NTRK3: variants seen among roughly 807,000 people sequenced by gnomAD.
The protein encoded by NTRK3 is neurotrophic receptor tyrosine kinase 3, also known as NT-3 growth factor receptor.
Under a neutral mutation model 91.7 loss-of-function variants are expected in NTRK3, and 24 were observed. That is an observed-to-expected ratio of 0.26 (90% CI 0.19 to 0.37). NTRK3 has a LOEUF of 0.37. Ranked by LOEUF, NTRK3 falls within the 10% of genes least tolerant of loss-of-function variation. The pLI, the probability that NTRK3 is intolerant of heterozygous loss-of-function variation, is 1.00. For synonymous variants in NTRK3, 483 were observed against 404.0 expected (o/e 1.20, Z -2.34); for missense variants, 880 against 1,068.9 (o/e 0.82, Z 2.46).
At chr15:87,863,722 C>T (rs528457511) in exon 19 of NTRK3, 2 of 227,828 alleles carry the variant, frequency 8.8e-6, no homozygotes, top group African/African-American at 4.4e-5. Context: ...ACAGTCCCCA[C>T]CTACTGATTT....
At chr15:88,138,880 G>A (rs1299484828) in intron 6 of NTRK3, among the ~76,000 whole-genome samples, 2 of 152,212 alleles carry the variant, frequency 1.3e-5, no homozygotes, top group Non-Finnish European at 2.9e-5. Context: ...ACCTAGAACT[G>A]AGCCTGGCAT....
At chr15:88,134,447 T>C (rs941536522) in intron 10 of NTRK3, among the ~76,000 whole-genome samples, 5 of 152,314 alleles carry the variant, frequency 3.3e-5, no homozygotes, top group South Asian at 4.1e-4. Flanking sequence ...AGCACTATCA[T>C]AAGCTGAGGG....
chr15:87,862,288 T>C, exon 19 of NTRK3: 1 of 224,228 alleles, frequency 4.5e-6, no homozygotes, highest in Non-Finnish European at 8.9e-6. Flanking sequence ...TCCACTGAAC[T>C]TGCTCCTCTG....
At chr15:88,173,893 C>G (rs1393989210) in intron 5 of NTRK3, among the ~76,000 whole-genome samples, 2 of 152,230 alleles carry the variant, frequency 1.3e-5, no homozygotes, top group Non-Finnish European at 2.9e-5. Context: ...GCAAGTCACT[C>G]AACCTCTCTG....
At chr15:88,083,753 G>C (rs777494079) in intron 13 of NTRK3, among the ~76,000 whole-genome samples, 1 of 152,152 alleles carries the variant, frequency 6.6e-6, no homozygotes, top group African/African-American at 2.4e-5. Flanking sequence ...AGATATATGA[G>C]GAACAATTCA....
chr15:87,954,704 G>A (rs2071490650), intron 14 of NTRK3, among the ~76,000 whole-genome samples: 1 of 152,228 alleles, frequency 6.6e-6, no homozygotes, highest in African/African-American at 2.4e-5. Flanking sequence ...GGAATTTGCT[G>A]TTCAGTGCCC....
rs2047709561 is a variant in NTRK3 at position 88,195,152 on chromosome 15, C to G, written c.249-10853G>C. Among the ~76,000 whole-genome samples the G allele has an allele frequency of 2.0e-5, 3 of 152,298 alleles. No homozygotes were observed. In the South Asian group the frequency reaches 6.2e-4, roughly 32 times the overall value. On this transcript the variant is annotated intron_variant, in intron 3 of 18. Coordinates refer to ENST00000394480, the Ensembl canonical transcript of NTRK3. ...GATGTTATTAATCTCCTACAATGCA[C>G]AAGACAGCCCCCACCCCCAACAGAG...
intron 5 of NTRK3, among the ~76,000 whole-genome samples, chr15:88,162,869 C>G (rs1444374198): frequency 6.6e-6 from 1 of 152,178 alleles, no homozygotes; most frequent in Non-Finnish European, 1.5e-5. Context: ...CCAGGAGGAT[C>G]AGGGAGACCT....
chr15:87,887,849 C>A (rs549914184), intron 17 of NTRK3, among the ~76,000 whole-genome samples: 1 of 152,168 alleles, frequency 6.6e-6, no homozygotes, highest in Middle Eastern at 3.2e-3. Flanking sequence ...TCTCTCCATT[C>A]CTGTGTGATA....
chr15:88,084,483 A>C (rs544241081), intron 13 of NTRK3, among the ~76,000 whole-genome samples: 1 of 152,310 alleles, frequency 6.6e-6, no homozygotes, highest in Non-Finnish European at 1.5e-5. Flanking sequence ...TCTTCACTCA[A>C]AACAGAATGC....
intron 13 of NTRK3, among the ~76,000 whole-genome samples, chr15:88,051,632 C>T (rs1555483217): frequency 6.6e-6 from 1 of 152,172 alleles, no homozygotes; most frequent in Non-Finnish European, 1.5e-5. Context: ...GTAACTCCCT[C>T]ATCAGACTAT....
At chr15:88,226,375 A>G (rs1417418742) in intron 3 of NTRK3, among the ~76,000 whole-genome samples, 1 of 152,188 alleles carries the variant, frequency 6.6e-6, no homozygotes, top group Non-Finnish European at 1.5e-5. Context: ...GGATGGTGTG[A>G]GTGGATAAGA....
At chr15:88,191,261 C>G (rs2047365583) in intron 3 of NTRK3, among the ~76,000 whole-genome samples, 4 of 151,896 alleles carry the variant, frequency 2.6e-5, no homozygotes, top group Non-Finnish European at 5.9e-5. Flanking sequence ...GATCTCAGCT[C>G]ACTGCAAACT....
At chr15:87,919,688 G>A (rs1048636257) in intron 17 of NTRK3, among the ~76,000 whole-genome samples, 7 of 152,116 alleles carry the variant, frequency 4.6e-5, no homozygotes, top group East Asian at 3.9e-4. Context: ...TACCCACCAG[G>A]GTGAATCTTG....
chr15:87,958,912 C>T (rs1814781596), intron 14 of NTRK3, among the ~76,000 whole-genome samples: 1 of 152,120 alleles, frequency 6.6e-6, no homozygotes, highest in South Asian at 2.1e-4. Flanking sequence ...TTAAGAGTAA[C>T]AGCCCAATGC....
intron 14 of NTRK3, among the ~76,000 whole-genome samples, chr15:87,985,139 G>C (rs891235236): frequency 6.6e-6 from 1 of 152,148 alleles, no homozygotes; most frequent in African/African-American, 2.4e-5. Flanking sequence ...TATCTCAGAA[G>C]GGGGAGACAG....
chr15:88,043,350 C>G (rs116591930), intron 13 of NTRK3, among the ~76,000 whole-genome samples: 2 of 152,190 alleles, frequency 1.3e-5, no homozygotes, highest in Admixed American at 1.3e-4. Context: ...GATCATAGTT[C>G]AAATTTCAAC....
At chr15:88,069,524 T>A (rs1378746639) in intron 13 of NTRK3, among the ~76,000 whole-genome samples, 2 of 152,088 alleles carry the variant, frequency 1.3e-5, no homozygotes, top group Non-Finnish European at 2.9e-5. Flanking sequence ...TAGGCAGAGC[T>A]ACACCGGAAC....
intron 6 of NTRK3, among the ~76,000 whole-genome samples, chr15:88,143,744 A>G (rs968511774): frequency 6.6e-6 from 1 of 152,198 alleles, no homozygotes; most frequent in Non-Finnish European, 1.5e-5. Context: ...AGAACGGTAG[A>G]AAGTCATCAC....
Sources: allele counts gnomAD v4.1 joint callset (sites outside exome capture counted in the v4.1 genomes callset), GRCh38; gene constraint gnomAD v4.1.1; transcripts MANE v1.5; gene names NCBI Gene and HGNC (gene_info 2026-07-23, HGNC 2026-07-21).